The following SKIC3 variants were observed in gnomAD, a reference collection of about 807,000 sequenced individuals.
SKIC3 encodes SKI3 subunit of superkiller complex.
At chr5:95,514,879 A>C in the SKIC3 span, 3 of 1,612,504 alleles carry the variant, frequency 1.9e-6, no homozygotes, top group Admixed American at 5.0e-5. Flanking sequence ...ACATTAAATA[A>C]GATGGATCAA....
At chr5:95,492,760 A>G in the SKIC3 span, among the ~76,000 whole-genome samples, 248 of 144,046 alleles carry the variant, frequency 1.7e-3, 6 homozygotes, top group African/African-American at 6.5e-3. Context: ...ACTGAAGTAG[A>G]CTCAATCTCT....
the SKIC3 span, among the ~76,000 whole-genome samples, chr5:95,484,315 T>C: frequency 8.6e-3 from 1,311 of 151,602 alleles, 8 homozygotes; most frequent in Non-Finnish European, 0.014. Flanking sequence ...CACCACTACC[T>C]GCTCTTTAAA....
chr5:95,528,809 G>T, the SKIC3 span: 16 of 592,026 alleles, frequency 2.7e-5, no homozygotes, highest in East Asian at 4.8e-4. Context: ...AACATTCATT[G>T]TCAGTTTAAA....
At chr5:95,501,425 T>C in the SKIC3 span, among the ~76,000 whole-genome samples, 1 of 152,126 alleles carries the variant, frequency 6.6e-6, no homozygotes, top group African/African-American at 2.4e-5. Flanking sequence ...AATCAGTGTC[T>C]AGTACACTGC....
At chr5:95,486,619 C>T in the SKIC3 span, among the ~76,000 whole-genome samples, 1 of 152,196 alleles carries the variant, frequency 6.6e-6, no homozygotes, top group Non-Finnish European at 1.5e-5. Context: ...CCCAGAGTAC[C>T]CAAGCATACC....
the SKIC3 span, chr5:95,491,034 C>G: frequency 6.2e-7 from 1 of 1,613,850 alleles, no homozygotes; most frequent in Non-Finnish European, 8.5e-7. Flanking sequence ...ATAGCAGGAT[C>G]ACCTGAAAAC....
the SKIC3 span, among the ~76,000 whole-genome samples, chr5:95,468,449 A>G: frequency 6.6e-6 from 1 of 152,202 alleles, no homozygotes; most frequent in African/African-American, 2.4e-5. Flanking sequence ...ATTACAGGCT[A>G]TGTATATCAT....
At chr5:95,546,180 C>T in the SKIC3 span, among the ~76,000 whole-genome samples, 1 of 151,910 alleles carries the variant, frequency 6.6e-6, no homozygotes, top group Non-Finnish European at 1.5e-5. Context: ...ACTTGAACCC[C>T]ATCATGCCCA....
chr5:95,538,812 T>C, the SKIC3 span, among the ~76,000 whole-genome samples: 1 of 152,126 alleles, frequency 6.6e-6, no homozygotes. Flanking sequence ...AAATACTAAA[T>C]ATAAATACTC....
At chr5:95,539,295 G>A in the SKIC3 span, among the ~76,000 whole-genome samples, 51 of 152,098 alleles carry the variant, frequency 3.4e-4, 1 homozygote, top group Middle Eastern at 3.4e-3. Context: ...CTAAGGACAT[G>A]AACAGAAAAT....
At chr5:95,553,661 G>A in the SKIC3 span, among the ~76,000 whole-genome samples, 2 of 152,172 alleles carry the variant, frequency 1.3e-5, no homozygotes. Context: ...CTGGGTTCAA[G>A]TGATTCTCCT....
the SKIC3 span, chr5:95,516,753 G>A: frequency 1.2e-6 from 2 of 1,612,696 alleles, no homozygotes; most frequent in South Asian, 1.1e-5. Context: ...TTCAGACACT[G>A]AAAAGAAGTT....
chr5:95,496,926 A>C, the SKIC3 span, among the ~76,000 whole-genome samples: 1 of 152,214 alleles, frequency 6.6e-6, no homozygotes, highest in Non-Finnish European at 1.5e-5. Flanking sequence ...AAATATCTGG[A>C]TGCTACAAAC....
the SKIC3 span, among the ~76,000 whole-genome samples, chr5:95,549,897 G>A: frequency 9.2e-5 from 14 of 151,712 alleles, no homozygotes; most frequent in African/African-American, 2.9e-4. Context: ...ATGATTCCAC[G>A]TAACCCCATA....
chr5:95,484,893 T>C, the SKIC3 span: 1 of 1,601,304 alleles, frequency 6.2e-7, no homozygotes, highest in East Asian at 2.2e-5. Flanking sequence ...ATTTATAATG[T>C]GTTCTTAGAG....
chr5:95,486,648 T>C, the SKIC3 span, among the ~76,000 whole-genome samples: 1 of 152,196 alleles, frequency 6.6e-6, no homozygotes, highest in African/African-American at 2.4e-5. Context: ...GCCTCGGGAT[T>C]GCCCAGCTCA....
At chr5:95,505,815 C>CA in the SKIC3 span, among the ~76,000 whole-genome samples, 668 of 113,312 alleles carry the variant, frequency 5.9e-3, 2 homozygotes, top group Non-Finnish European at 8.2e-3. Flanking sequence ...TCTGTCCCCC[C>CA]AAAAAAAAAA....
the SKIC3 span, chr5:95,469,761 A>C: frequency 6.2e-7 from 1 of 1,613,696 alleles, no homozygotes; most frequent in Non-Finnish European, 8.5e-7. Context: ...TATAAGAAAA[A>C]GATGAAGATT....
the SKIC3 span, chr5:95,516,565 G>C: frequency 1.2e-6 from 2 of 1,613,346 alleles, no homozygotes; most frequent in South Asian, 1.1e-5. Context: ...ACAGTGCTGA[G>C]CAAGGGCATA....
Sources: gnomAD v4.1 joint callset for allele counts (sites outside exome capture counted in the v4.1 genomes callset) on GRCh38, gnomAD v4.1.1 for gene constraint, MANE v1.5 for transcripts, NCBI Gene and HGNC (gene_info 2026-07-23, HGNC 2026-07-21) for gene names.